Variants in ELL2 observed in about 807,000 individuals in gnomAD.
ELL2 encodes elongation factor for RNA polymerase II 2.
ELL2 carries 21 observed loss-of-function variants against 72.8 expected under a neutral mutation model. The observed-to-expected ratio is 0.29, with a 90% confidence interval of 0.20 to 0.42. The LOEUF (loss-of-function observed/expected upper bound fraction) is 0.42, where lower values mean the gene tolerates loss of function less well. ELL2 is among the 10% of genes least tolerant of loss of function. ELL2 has a pLI of 1.00. For synonymous variants in ELL2, 266 were observed against 283.2 expected, an observed-to-expected ratio of 0.94 and a Z score of 0.61; for missense variants, 568 against 772.8, an observed-to-expected ratio of 0.73 and a Z score of 3.14.
intron 10 of ELL2, among the ~76,000 whole-genome samples, chr5:95,889,978 A>C (rs1267741732): frequency 6.6e-6 from 1 of 152,076 alleles, no homozygotes; most frequent in Admixed American, 6.6e-5. Context: ...GTGCTTACTT[A>C]TGTTTATTCC....
intron 5 of ELL2, among the ~76,000 whole-genome samples, chr5:95,904,223 A>C (rs562427928): frequency 2.0e-5 from 3 of 152,112 alleles, no homozygotes; most frequent in Admixed American, 6.5e-5. Flanking sequence ...CAGGGTTTCT[A>C]TTGGGGTTAC....
intron 7 of ELL2, chr5:95,900,446 A>C (rs1212917979): frequency 6.5e-6 from 2 of 308,260 alleles, no homozygotes; most frequent in East Asian, 5.3e-5. Flanking sequence ...AACAAAATGT[A>C]AACTTTAAAA....
At chr5:95,938,949 T>G (rs1325090697) in intron 2 of ELL2, among the ~76,000 whole-genome samples, 1 of 152,182 alleles carries the variant, frequency 6.6e-6, no homozygotes. Context: ...CATGAGTCCC[T>G]GAGGCCTGAG....
chr5:95,923,243 A>AC (rs1750161914), intron 2 of ELL2, among the ~76,000 whole-genome samples: 1 of 151,476 alleles, frequency 6.6e-6, no homozygotes, highest in Non-Finnish European at 1.5e-5. Flanking sequence ...ATAAAGTGAA[A>AC]AAAAAAAAAG....
rs867566735 is a variant in ELL2 at position 95,927,370 on chromosome 5, T to C, written c.196-7825A>G. Among the ~76,000 whole-genome samples the C allele has an allele frequency of 1.2e-3, 112 of 90,902 alleles. 18 individuals are homozygous for C. The highest frequency in any genetic ancestry group is 0.011 in the Middle Eastern group (2 of 190). The allele number at this position is 90,902 out of a possible 152,430, so 59.6% of individuals were successfully genotyped here. A position where few individuals can be genotyped will look rare whatever the true frequency, so the allele number is the denominator to read the frequency against. On this transcript the variant is annotated intron_variant, in intron 2 of 11. Coordinates refer to ENST00000237853, the MANE Select transcript of ELL2 (RefSeq NM_012081.6). ...GTATGTGTATGTGTATATATAGACA[T>C]ACACACACACACGTGTGTATATATA...
chr5:95,918,052 ACT>A (rs558853274), intron 3 of ELL2, among the ~76,000 whole-genome samples: 183 of 152,286 alleles, frequency 1.2e-3, no homozygotes, highest in African/African-American at 4.2e-3. Flanking sequence ...CAGCTACATA[ACT>A]CTGGATAAAT....
intron 1 of ELL2, among the ~76,000 whole-genome samples, chr5:95,953,927 A>G (rs539845967): frequency 6.6e-6 from 1 of 152,332 alleles, no homozygotes; most frequent in East Asian, 1.9e-4. Context: ...TAGATTTCAT[A>G]TTATCAGTGC....
chr5:95,930,427 C>T (rs1439185874), intron 2 of ELL2, among the ~76,000 whole-genome samples: 1 of 152,150 alleles, frequency 6.6e-6, no homozygotes, highest in Admixed American at 6.5e-5. Flanking sequence ...GCCCAAGCCC[C>T]AGATTTTGTA....
intron 3 of ELL2, among the ~76,000 whole-genome samples, chr5:95,918,943 C>T (rs1470155691): frequency 6.9e-6 from 1 of 145,884 alleles, no homozygotes; most frequent in Admixed American, 6.9e-5. Context: ...TTTCTAGTTT[C>T]CATGCAGCTG....
intron 10 of ELL2, 83 bp from the exon 11 acceptor site, chr5:95,889,213 G>A (rs555419712): frequency 9.2e-7 from 1 of 1,087,896 alleles, no homozygotes; most frequent in Admixed American, 2.2e-5. Flanking sequence ...CATTCAGCAA[G>A]AGTATAGGAA....
At chr5:95,908,576 G>C (rs770395134) in intron 4 of ELL2, among the ~76,000 whole-genome samples, 1 of 152,164 alleles carries the variant, frequency 6.6e-6, no homozygotes, top group Non-Finnish European at 1.5e-5. Context: ...CAAGTAAGCA[G>C]AGGAGCAGGA....
At chr5:95,956,550 G>A (rs1751633886) in intron 1 of ELL2, among the ~76,000 whole-genome samples, 1 of 152,192 alleles carries the variant, frequency 6.6e-6, no homozygotes, top group African/African-American at 2.4e-5. Context: ...GGTGGCTTAA[G>A]AACAGTCTTC....
At chr5:95,943,410 C>T (rs1380372101) in intron 1 of ELL2, among the ~76,000 whole-genome samples, 1 of 152,132 alleles carries the variant, frequency 6.6e-6, no homozygotes, top group Admixed American at 6.5e-5. Flanking sequence ...TTACATTTCT[C>T]TCTGAACCAC....
At chr5:95,907,296 A>ATATATATATATATATTTTTTTTTTTT in intron 4 of ELL2, among the ~76,000 whole-genome samples, 1 of 116,522 alleles carries the variant, frequency 8.6e-6, no homozygotes, top group African/African-American at 4.1e-5. Context: ...ATATATATAT[A>ATATATATATATATATTTTTTTTTTTT]TTTTTTTTTT....
rs1389078601 is a variant in ELL2 at position 95,886,166 on chromosome 5, A to T, written c.*2705T>A. ...AAATTCTTCCACCGGAGTAACTGAC[A>T]TTAAGTGGCCACTATTCCTGTAGTA... On this transcript the variant is annotated 3_prime_UTR_variant, in exon 12 of 12. Coordinates refer to ENST00000237853, the MANE Select transcript of ELL2 (RefSeq NM_012081.6). The T allele has an allele frequency of 2.6e-5, 4 of 152,204 alleles. No individual in the cohort carries two copies. Among genetic ancestry groups the T allele is most frequent in the Non-Finnish European group, 4.4e-5 (3 of 68,026 alleles). The allele number at this position is 152,204 out of a possible 1,614,324, so 9.4% of individuals were successfully genotyped here.
intron 10 of ELL2, 29 bp downstream of exon 10, chr5:95,891,074 T>C: frequency 6.2e-7 from 1 of 1,613,974 alleles, no homozygotes; most frequent in Non-Finnish European, 8.5e-7. Flanking sequence ...AATATGAAAG[T>C]CAGCCCATCT....
In ELL2 at chr5:95,913,942, G is replaced by GT. The variant is rs542935621; in HGVS notation, c.318-9dup. 9.1e-5 allele frequency: 144 copies of GT among 1,579,288 alleles called. 1 individual carries two copies. In the African/African-American group the frequency reaches 1.7e-3, roughly 18 times the overall value. On this transcript the variant is annotated splice_polypyrimidine_tract_variant and intron_variant, in intron 3 of 11. Transcript: ENST00000237853. ...AGCTGGGAGGCTCCAGAGCTGTCAA[G>GT]TAAGTCAGTGGCTTTGTTAGACATG...
chr5:95,902,554 T>A (rs555566566), intron 5 of ELL2, among the ~76,000 whole-genome samples: 1 of 152,210 alleles, frequency 6.6e-6, no homozygotes, highest in Admixed American at 6.5e-5. Context: ...CTGGAATAGA[T>A]CATTCTTTCT....
chr5:95,888,919 T>G lies in ELL2; in HGVS notation c.1875A>C (p.Lys625Asn). Residue 625 changes from lysine (K) to asparagine (N), a missense_variant, in exon 12 of 12, where the codon AAA becomes AAC. This residue lies in a region of ELL2 where 511 missense variants were observed against 728.4 expected (regional missense o/e 0.70). Transcript: ENST00000237853. The part of the protein sequence containing the change: ...EYLHNKLAHI[K>N]RLIGEFDQQQ... ...GTTGGTCAAATTCACCTATTAGCCTTTTGATGTGAGCCAGCTTGTTATGAA... is the reference window on the plus strand; with the variant it reads ...GTTGGTCAAATTCACCTATTAGCCTGTTGATGTGAGCCAGCTTGTTATGAA... 6.2e-7 allele frequency: 1 copy of G among 1,611,864 alleles called. No homozygotes were observed. Among genetic ancestry groups the G allele is most frequent in the South Asian group, 1.1e-5 (1 of 90,930 alleles).
Sources: allele counts gnomAD v4.1 joint callset (sites outside exome capture counted in the v4.1 genomes callset), GRCh38; gene constraint gnomAD v4.1.1; regional missense constraint gnomAD v4.1.1; transcripts MANE v1.5; gene names NCBI Gene and HGNC (gene_info 2026-07-23, HGNC 2026-07-21).